The following DLGAP1 variants were observed in gnomAD, a reference collection of about 807,000 sequenced individuals.
DLGAP1 encodes the protein disks large-associated protein 1.
Under a neutral mutation model 90.8 loss-of-function variants are expected in DLGAP1, and 11 were observed. That is an observed-to-expected ratio of 0.12 (90% CI 0.08 to 0.20). The LOEUF (loss-of-function observed/expected upper bound fraction) is 0.20, where lower values mean the gene tolerates loss of function less well. Ranked by LOEUF, DLGAP1 falls within the 10% of genes least tolerant of loss-of-function variation. The probability of loss-of-function intolerance (pLI) is 1.00; values close to 1 mark genes in which losing one functional copy is unlikely to be tolerated. For synonymous variants in DLGAP1, 558 were observed against 540.7 expected (o/e 1.03, Z -0.44); for missense variants, 1,050 against 1,333.8 (o/e 0.79, Z 3.31).
chr18:3,963,815 C>A (rs900739428), intron 3 of DLGAP1, among the ~76,000 whole-genome samples: 9 of 152,042 alleles, frequency 5.9e-5, no homozygotes, highest in African/African-American at 2.2e-4. Flanking sequence ...GCTGTGACAG[C>A]CACTGGCCAC....
chr18:3,727,441 T>C lies in DLGAP1; in HGVS notation c.1591+1694A>G, dbSNP rs1463697780. Among the ~76,000 whole-genome samples, 1 of 152,218 alleles carries C rather than the reference T, an allele frequency of 6.6e-6. No homozygotes were observed. Among genetic ancestry groups the C allele is most frequent in the Non-Finnish European group, 1.5e-5 (1 of 68,040 alleles). On this transcript the variant is annotated intron_variant, in intron 7 of 12. Transcript: ENST00000315677. The surrounding 1 kb of genome is among the most constrained non-coding windows in gnomAD (Gnocchi z 4.7). Reference sequence around the variant, plus strand: ...GGCGGAAGGAGTGAGCCACCAGCCCTTTCCTTCCCGACTGTTCTCCTGAGA... The same window carrying C: ...GGCGGAAGGAGTGAGCCACCAGCCCCTTCCTTCCCGACTGTTCTCCTGAGA...
At position 4,126,398 on chromosome 18, in the gene DLGAP1, T is replaced by C. The variant is rs563582736; in HGVS notation, c.-159+24782A>G. On this transcript the variant is annotated intron_variant, in intron 2 of 12. Transcript: ENST00000315677. ...AGGAAAATACAAAGCTTGTTTGCCA[T>C]CTAGCCCGAATTAACCTGTTCAATA... Among the ~76,000 whole-genome samples the C allele has an allele frequency of 7.9e-5, 12 of 152,340 alleles. No individual in the cohort carries two copies. The South Asian group carries it at 2.5e-3, about 32-fold the overall frequency.
At chr18:3,856,695 A>G (rs1047181648) in intron 4 of DLGAP1, among the ~76,000 whole-genome samples, 13 of 152,112 alleles carry the variant, frequency 8.5e-5, no homozygotes, top group Non-Finnish European at 1.3e-4. Flanking sequence ...CCCCGTCTCT[A>G]CTAAAAATAC....
At chr18:3,682,028 G>T (rs192688906) in intron 7 of DLGAP1, among the ~76,000 whole-genome samples, 1 of 150,640 alleles carries the variant, frequency 6.6e-6, no homozygotes, top group African/African-American at 2.4e-5. Context: ...TGAGGCAGGA[G>T]AATTGCTTGA....
At position 3,956,389 on chromosome 18, in the gene DLGAP1, G is replaced by T. The variant is rs187339690; in HGVS notation, c.-73+48727C>A. On this transcript the variant is annotated intron_variant, in intron 3 of 12. Coordinates refer to ENST00000315677, the MANE Select transcript of DLGAP1 (RefSeq NM_004746.4). ...TTTTGAGACGGAGTCTCGCTCTGTC[G>T]CCCAGGCTGGAGTGCAGTGGCGTGA... is the stretch of plus-strand genomic sequence containing the variant. Among the ~76,000 whole-genome samples the T allele has an allele frequency of 2.7e-5, 4 of 149,912 alleles. No homozygotes were observed. In the East Asian group the frequency reaches 5.9e-4, roughly 22 times the overall value.
chr18:3,837,627 T>C (rs996651840), intron 4 of DLGAP1, among the ~76,000 whole-genome samples: 1 of 152,010 alleles, frequency 6.6e-6, no homozygotes, highest in African/African-American at 2.4e-5. Flanking sequence ...GGTTGGTAGA[T>C]TGCCTGAGCT....
chr18:3,939,471 C>A (rs866899236), intron 3 of DLGAP1, among the ~76,000 whole-genome samples: 3,902 of 106,396 alleles, frequency 0.037, 181 homozygotes, highest in African/African-American at 0.12. Context: ...AACAAACAAA[C>A]AAAAAACCCC....
At chr18:3,754,498 A>G (rs757724756) in intron 5 of DLGAP1, among the ~76,000 whole-genome samples, 26 of 152,136 alleles carry the variant, frequency 1.7e-4, no homozygotes, top group Middle Eastern at 6.8e-3. Flanking sequence ...TTTAAAAATT[A>G]AAAAAGAATT....
intron 4 of DLGAP1, among the ~76,000 whole-genome samples, chr18:3,824,978 A>G (rs2067630743): frequency 6.6e-6 from 1 of 152,178 alleles, no homozygotes; most frequent in Non-Finnish European, 1.5e-5. Flanking sequence ...CACTTTCATA[A>G]TCATCATACA....
At chr18:3,919,446 T>C (rs1035457036) in intron 3 of DLGAP1, among the ~76,000 whole-genome samples, 1 of 152,254 alleles carries the variant, frequency 6.6e-6, no homozygotes, top group Admixed American at 6.5e-5. Flanking sequence ...TGAATGACTT[T>C]ACATTTTGGA....
At chr18:4,104,082 A>G (rs970230684) in intron 2 of DLGAP1, among the ~76,000 whole-genome samples, 1 of 151,988 alleles carries the variant, frequency 6.6e-6, no homozygotes, top group Non-Finnish European at 1.5e-5. Context: ...TCTAATTTCT[A>G]TTTCTAGTTA....
chr18:4,248,390 T>C (rs1341455743), intron 1 of DLGAP1, among the ~76,000 whole-genome samples: 5 of 152,250 alleles, frequency 3.3e-5, no homozygotes, highest in Non-Finnish European at 5.9e-5. Context: ...GGATTTCTCT[T>C]ATCCTGATGT....
intron 1 of DLGAP1, among the ~76,000 whole-genome samples, chr18:4,432,476 T>C (rs8091942): frequency 8.8e-6 from 1 of 113,998 alleles, no homozygotes; most frequent in Admixed American, 9.4e-5. Flanking sequence ...AACTAGATAT[T>C]GAAATAAATT....
At chr18:3,741,095 C>A (rs1294434723) in intron 6 of DLGAP1, among the ~76,000 whole-genome samples, 3 of 131,774 alleles carry the variant, frequency 2.3e-5, no homozygotes, top group Admixed American at 1.5e-4. Context: ...CCATCACCAC[C>A]ACCACCATCA....
intron 4 of DLGAP1, among the ~76,000 whole-genome samples, chr18:3,867,231 CTT>C (rs2070453291): frequency 6.6e-6 from 1 of 152,104 alleles, no homozygotes; most frequent in Non-Finnish European, 1.5e-5. Flanking sequence ...CTCAGGAAGA[CTT>C]TTGAGTGCCA....
At chr18:3,564,664 T>G (rs1283978606) in intron 9 of DLGAP1, among the ~76,000 whole-genome samples, 1 of 152,156 alleles carries the variant, frequency 6.6e-6, no homozygotes, top group Non-Finnish European at 1.5e-5. Context: ...TGACTGGGTT[T>G]CCTTGGAGCT....
chr18:4,305,581 T>C (rs1282760798), intron 1 of DLGAP1, among the ~76,000 whole-genome samples: 2 of 151,330 alleles, frequency 1.3e-5, no homozygotes, highest in African/African-American at 4.9e-5. Flanking sequence ...CCACAGGTCA[T>C]TTAGTCCACG....
At chr18:3,659,610 G>C (rs2059617690) in intron 7 of DLGAP1, among the ~76,000 whole-genome samples, 1 of 150,316 alleles carries the variant, frequency 6.7e-6, no homozygotes, top group African/African-American at 2.5e-5. Flanking sequence ...CTGTCGCCCA[G>C]GCTGGAGTGC....
chr18:3,951,169 T>C (rs949449497), intron 3 of DLGAP1, among the ~76,000 whole-genome samples: 1 of 152,232 alleles, frequency 6.6e-6, no homozygotes, highest in Non-Finnish European at 1.5e-5. Flanking sequence ...CTAGAGCTGA[T>C]TTAAGCATTA....
Sources: allele counts gnomAD v4.1 joint callset (sites outside exome capture counted in the v4.1 genomes callset), GRCh38; gene constraint gnomAD v4.1.1; non-coding constraint Gnocchi (gnomAD v3.1); transcripts MANE v1.5; gene names NCBI Gene and HGNC (gene_info 2026-07-23, HGNC 2026-07-21).